TMEM181: variants seen among roughly 807,000 people sequenced by gnomAD.
TMEM181 encodes transmembrane protein 181, also known as G protein-coupled receptor 178.
A neutral mutation model predicts 71.9 loss-of-function variants in TMEM181; 39 were observed. The observed-to-expected ratio is 0.54, with a 90% CI of 0.42 to 0.71. The LOEUF is 0.71. TMEM181 is among the 30% of genes least tolerant of loss of function. TMEM181 has a pLI of 0.00. For synonymous variants in TMEM181, 245 were observed against 228.8 expected (o/e 1.07, Z -0.64); for missense variants, 595 against 583.0 (o/e 1.02, Z -0.21).
chr6:158,617,091 C>T (rs948242716), intron 10 of TMEM181, among the ~76,000 whole-genome samples: 1 of 152,112 alleles, frequency 6.6e-6, no homozygotes, highest in African/African-American at 2.4e-5. Flanking sequence ...TGGTAGAATT[C>T]GGCTGTGAAT....
At position 158,634,445 on chromosome 6, in the gene TMEM181, T is replaced by C. The variant is rs959142971; in HGVS notation, c.*2557T>C. On this transcript the variant is annotated 3_prime_UTR_variant, in exon 17 of 17. Transcript: ENST00000684151. ...TGCGAACTTAAAGGGCTGACTTTAG[T>C]TCCTTCATGGTAATGGCTTGAGTAA... 6.6e-6 allele frequency: 1 copy of C among 152,102 alleles called. No homozygotes were observed. The highest frequency in any genetic ancestry group is 1.9e-4 in the East Asian group (1 of 5,168). The allele number at this position is 152,102 out of a possible 1,614,324, so 9.4% of individuals were successfully genotyped here.
intron 10 of TMEM181, chr6:158,611,487 C>G (rs1018491848): frequency 1.1e-5 from 6 of 525,788 alleles, no homozygotes; most frequent in Non-Finnish European, 2.3e-5. Context: ...ATCATTCTGA[C>G]TCTCAGCTTC....
chr6:158,611,454 A>G, intron 10 of TMEM181: 3 of 538,338 alleles, frequency 5.6e-6, no homozygotes, highest in South Asian at 4.2e-5. Flanking sequence ...CCTTTTCTGG[A>G]CCTTGTTGGG....
intron 6 of TMEM181, among the ~76,000 whole-genome samples, chr6:158,599,226 G>T (rs1317055448): frequency 1.3e-5 from 2 of 152,210 alleles, no homozygotes; most frequent in Non-Finnish European, 2.9e-5. Context: ...GACATCACCT[G>T]TGCCTGCACG....
intron 10 of TMEM181, chr6:158,611,716 T>TTAAAGAATGCCGG: frequency 4.2e-6 from 1 of 239,038 alleles, no homozygotes. Context: ...CGGGGAGGAA[T>TTAAAGAATGCCGG]GTAAGAGTTA....
intron 6 of TMEM181, among the ~76,000 whole-genome samples, chr6:158,594,228 A>T (rs945451878): frequency 6.7e-6 from 1 of 150,096 alleles, no homozygotes; most frequent in African/African-American, 2.5e-5. Context: ...CCTCCTGGGT[A>T]GCTGGGATTA....
intron 3 of TMEM181, 134 bp from the exon 4 acceptor site, chr6:158,583,820 C>T (rs1372852828): frequency 1.7e-6 from 1 of 596,102 alleles, no homozygotes; most frequent in South Asian, 2.6e-5. Context: ...AGAAGGAAAA[C>T]CTCACATATT....
intron 1 of TMEM181, among the ~76,000 whole-genome samples, chr6:158,550,675 C>T (rs999376209): frequency 1.3e-5 from 2 of 151,606 alleles, no homozygotes; most frequent in Non-Finnish European, 1.5e-5. Context: ...AAAAAAAATA[C>T]GTAGTTTCAT....
At chr6:158,597,959 TG>T (rs1379737895) in intron 6 of TMEM181, among the ~76,000 whole-genome samples, 1 of 152,206 alleles carries the variant, frequency 6.6e-6, no homozygotes, top group Non-Finnish European at 1.5e-5. Context: ...CTGTAGCAAG[TG>T]GTGCTCCTTC....
chr6:158,624,733 C>T (rs1206009233), intron 11 of TMEM181, among the ~76,000 whole-genome samples: 1 of 152,230 alleles, frequency 6.6e-6, no homozygotes, highest in Non-Finnish European at 1.5e-5. Context: ...TCTTGGACAC[C>T]TGCCACCTTC....
chr6:158,546,352 G>A (rs2083587), intron 1 of TMEM181, among the ~76,000 whole-genome samples: 42,861 of 152,140 alleles, frequency 0.28, 6,894 homozygotes, highest in East Asian at 0.59. Flanking sequence ...GCATTGATAG[G>A]CACTTTATAA....
intron 6 of TMEM181, 116 bp from the exon 7 acceptor site, chr6:158,605,150 GT>G: frequency 3.7e-6 from 2 of 540,558 alleles, no homozygotes; most frequent in Non-Finnish European, 3.2e-6. Flanking sequence ...GTGTGTGTGT[GT>G]GTGTGTGTAT....
chr6:158,582,558 G>T (rs1438113713), intron 3 of TMEM181, among the ~76,000 whole-genome samples: 1 of 152,110 alleles, frequency 6.6e-6, no homozygotes, highest in African/African-American at 2.4e-5. Context: ...CCAGCTACTT[G>T]GGAGGCTGAG....
intron 10 of TMEM181, among the ~76,000 whole-genome samples, chr6:158,609,476 C>G (rs537894911): frequency 6.6e-6 from 1 of 152,276 alleles, no homozygotes; most frequent in South Asian, 2.1e-4. Flanking sequence ...GAGGCAAAAC[C>G]CCAATGCTAT....
At chr6:158,570,907 G>A (rs1782768322) in intron 1 of TMEM181, among the ~76,000 whole-genome samples, 1 of 149,358 alleles carries the variant, frequency 6.7e-6, no homozygotes, top group Non-Finnish European at 1.5e-5. Flanking sequence ...TATTTTGTTT[G>A]TTTGTTAGGT....
intron 1 of TMEM181, 51 bp from the exon 2 acceptor site, chr6:158,573,369 G>A (rs1278654139): frequency 6.9e-7 from 1 of 1,451,578 alleles, no homozygotes; most frequent in Non-Finnish European, 9.4e-7. Flanking sequence ...GCTTTCCTGT[G>A]ACCTCCGGGC....
intron 13 of TMEM181, among the ~76,000 whole-genome samples, chr6:158,627,548 G>A (rs1264103106): frequency 6.6e-6 from 1 of 152,204 alleles, no homozygotes; most frequent in Non-Finnish European, 1.5e-5. Flanking sequence ...GCGACATTTG[G>A]CTGAGGACCT....
At chr6:158,614,121 G>T (rs1482139384) in intron 10 of TMEM181, among the ~76,000 whole-genome samples, 1 of 152,128 alleles carries the variant, frequency 6.6e-6, no homozygotes, top group Non-Finnish European at 1.5e-5. Flanking sequence ...ACAATTTCAT[G>T]TACCTAAACA....
intron 3 of TMEM181, among the ~76,000 whole-genome samples, chr6:158,582,481 A>G (rs565239850): frequency 1.6e-4 from 25 of 152,270 alleles, no homozygotes; most frequent in Admixed American, 9.8e-4. Context: ...CCTGGGCAGC[A>G]TAGGGAGACT....
Sources: gnomAD v4.1 joint callset for allele counts (sites outside exome capture counted in the v4.1 genomes callset) on GRCh38, gnomAD v4.1.1 for gene constraint, MANE v1.5 for transcripts, NCBI Gene and HGNC (gene_info 2026-07-23, HGNC 2026-07-21) for gene names.